The following EHBP1 variants were observed in gnomAD, a reference collection of about 807,000 sequenced individuals.
The protein encoded by EHBP1 is EH domain-binding protein 1.
A neutral mutation model predicts 144.0 loss-of-function variants in EHBP1; 55 were observed. That is an observed-to-expected ratio of 0.38 (90% CI 0.31 to 0.48). EHBP1 has a LOEUF of 0.48. Among genes scored for constraint, EHBP1 ranks in the 20% least tolerant of loss-of-function variants. The probability of loss-of-function intolerance (pLI) is 0.98; values close to 1 mark genes in which losing one functional copy is unlikely to be tolerated. For synonymous variants in EHBP1, 469 were observed against 472.7 expected (o/e 0.99, Z 0.10); for missense variants, 1,200 against 1,364.2 (o/e 0.88, Z 1.90).
intron 12 of EHBP1, among the ~76,000 whole-genome samples, chr2:62,944,689 G>T (rs1386655282): frequency 2.0e-5 from 3 of 152,124 alleles, no homozygotes. Context: ...AGGGGATATC[G>T]ATCCTTTCAG....
chr2:63,037,761 T>TA (rs1219356579), intron 20 of EHBP1, 127 bp downstream of exon 20: 14 of 535,146 alleles, frequency 2.6e-5, no homozygotes, highest in Non-Finnish European at 3.8e-5. Context: ...ACATGTTTTA[T>TA]AAAAAAATAA....
chr2:62,708,185 TA>T (rs755441032), intron 2 of EHBP1, among the ~76,000 whole-genome samples: 1 of 152,192 alleles, frequency 6.6e-6, no homozygotes, highest in Non-Finnish European at 1.5e-5. Flanking sequence ...ATTAAAAAAA[TA>T]GCTTGCTTTA....
intron 7 of EHBP1, among the ~76,000 whole-genome samples, chr2:62,838,561 T>C (rs1427195936): frequency 6.6e-6 from 1 of 152,044 alleles, no homozygotes; most frequent in Admixed American, 6.5e-5. Flanking sequence ...AGCTGGTTTT[T>C]TGAAAGGATC....
At chr2:62,942,941 A>G in intron 11 of EHBP1, 45 bp downstream of exon 11, 1 of 1,349,482 alleles carries the variant, frequency 7.4e-7, no homozygotes, top group Non-Finnish European at 1.0e-6. Context: ...TAAGTGATAG[A>G]CATTTTTGAA....
chr2:62,827,821 C>CCA (rs997424475), intron 6 of EHBP1, among the ~76,000 whole-genome samples: 1 of 152,102 alleles, frequency 6.6e-6, no homozygotes, highest in African/African-American at 2.4e-5. Flanking sequence ...GTGTGTACCA[C>CCA]CACACCTGGC....
intron 5 of EHBP1, among the ~76,000 whole-genome samples, chr2:62,817,887 T>C (rs1333386218): frequency 6.6e-6 from 1 of 152,102 alleles, no homozygotes; most frequent in Non-Finnish European, 1.5e-5. Context: ...ATTCGTGCAC[T>C]TTAGTAAAAT....
intron 1 of EHBP1, among the ~76,000 whole-genome samples, chr2:62,692,395 A>G (rs912554407): frequency 2.0e-5 from 3 of 152,220 alleles, no homozygotes; most frequent in Admixed American, 1.3e-4. Flanking sequence ...GTATTTACCT[A>G]GGAGTGGTAT....
At chr2:62,682,679 T>G (rs1036936246) in intron 1 of EHBP1, among the ~76,000 whole-genome samples, 3 of 152,238 alleles carry the variant, frequency 2.0e-5, no homozygotes, top group Non-Finnish European at 2.9e-5. Context: ...TATTGAGCTC[T>G]TAACGAGGTC....
chr2:62,897,076 T>G (rs534098657), intron 10 of EHBP1, among the ~76,000 whole-genome samples: 2 of 152,306 alleles, frequency 1.3e-5, no homozygotes, highest in Admixed American at 1.3e-4. Context: ...TTCACCCCTT[T>G]CCACCCTGCT....
At chr2:62,973,857 G>A (rs1224607259) in intron 14 of EHBP1, among the ~76,000 whole-genome samples, 1 of 151,974 alleles carries the variant, frequency 6.6e-6, no homozygotes, top group Admixed American at 6.6e-5. Context: ...AAATTAGCCA[G>A]GCATGGTGGC....
intron 5 of EHBP1, among the ~76,000 whole-genome samples, chr2:62,787,050 T>A (rs1216631515): frequency 6.6e-6 from 1 of 152,216 alleles, no homozygotes; most frequent in African/African-American, 2.4e-5. Flanking sequence ...TTCATAGCCT[T>A]GCAAGTTTTC....
rs1466598030 is a variant in EHBP1 at position 62,897,171 on chromosome 2, C to T, written c.1185+22639C>T. Among the ~76,000 whole-genome samples, 4 of 152,220 alleles carry T rather than the reference C, an allele frequency of 2.6e-5. No homozygotes were observed. The East Asian group carries it at 5.8e-4, about 22-fold the overall frequency. ...ATACAAGCAAATCCAAATGTTTATT[C>T]GTATTATTCCCTTTCTTGCCCCAAA... is the stretch of plus-strand genomic sequence containing the variant. On this transcript the variant is annotated intron_variant, in intron 10 of 22. Coordinates refer to ENST00000431489, the MANE Select transcript of EHBP1 (RefSeq NM_001142616.3).
Position 62,706,946 on chromosome 2 carries a change from C to G in EHBP1, c.-246C>G, listed in dbSNP as rs2034651097. ...CCCCTGAGGTGGCATGGTGATGTCT[C>G]CATGAGGGAACCCCTTCCCACTCAT... On this transcript the variant is annotated 5_prime_UTR_variant, in exon 2 of 23. Transcript: ENST00000431489. The G allele has an allele frequency of 2.2e-6, 1 of 450,836 alleles. No individual in the cohort carries two copies. The highest frequency in any genetic ancestry group is 2.0e-5 in the African/African-American group (1 of 50,564). The allele number at this position is 450,836 out of a possible 1,614,324, so 27.9% of individuals were successfully genotyped here. A position where few individuals can be genotyped will look rare whatever the true frequency, so the allele number is the denominator to read the frequency against.
chr2:63,011,107 G>T (rs1470271002), intron 19 of EHBP1, among the ~76,000 whole-genome samples: 2 of 142,488 alleles, frequency 1.4e-5, no homozygotes, highest in Non-Finnish European at 3.0e-5. Flanking sequence ...CCTGGGTTTT[G>T]CATCAGTTGT....
chr2:62,680,522 G>A (rs2033475390), intron 1 of EHBP1, among the ~76,000 whole-genome samples: 1 of 152,196 alleles, frequency 6.6e-6, no homozygotes, highest in Admixed American at 6.5e-5. Flanking sequence ...GGGGGGAAAA[G>A]GGAAGGTGGG....
chr2:62,995,799 T>C (rs1191626014), intron 18 of EHBP1, among the ~76,000 whole-genome samples: 1 of 152,120 alleles, frequency 6.6e-6, no homozygotes, highest in African/African-American at 2.4e-5. Context: ...CTGACTTTGA[T>C]GATTTAAATT....
chr2:62,740,875 C>T (rs1479212870), intron 2 of EHBP1, among the ~76,000 whole-genome samples: 1 of 152,034 alleles, frequency 6.6e-6, no homozygotes, highest in South Asian at 2.1e-4. Context: ...TAAATTTGGT[C>T]TCAGCACTTT....
intron 2 of EHBP1, among the ~76,000 whole-genome samples, chr2:62,707,928 T>C (rs1427719085): frequency 6.6e-6 from 1 of 152,222 alleles, no homozygotes; most frequent in African/African-American, 2.4e-5. Flanking sequence ...TGGTCTGTGA[T>C]TGGCTTTTTT....
intron 18 of EHBP1, 46 bp from the exon 19 acceptor site, chr2:62,996,597 A>C: frequency 6.2e-7 from 1 of 1,611,828 alleles, no homozygotes; most frequent in East Asian, 2.2e-5. Context: ...GAAAAATGCA[A>C]CTTACAAGTG....
Sources: gnomAD v4.1 joint callset for allele counts (sites outside exome capture counted in the v4.1 genomes callset) on GRCh38, gnomAD v4.1.1 for gene constraint, MANE v1.5 for transcripts, NCBI Gene and HGNC (gene_info 2026-07-23, HGNC 2026-07-21) for gene names.